The following LRBA variants were observed in gnomAD, a reference collection of about 807,000 sequenced individuals.
The protein encoded by LRBA is LPS responsive beige-like anchor protein.
In LRBA, 176 loss-of-function variants were observed where a neutral mutation model predicts 330.0. The ratio of observed to expected loss-of-function variants is 0.53; its 90% CI spans 0.47 to 0.60. The LOEUF is 0.60. LRBA is among the 20% of genes least tolerant of loss of function. LRBA has a pLI of 0.00. For synonymous variants in LRBA, 1,230 were observed against 1,193.0 expected, an observed-to-expected ratio of 1.03 and a Z score of -0.64; for missense variants, 3,259 against 3,444.8, an observed-to-expected ratio of 0.95 and a Z score of 1.35.
At chr4:150,868,768 T>C (rs370995058) in intron 20 of LRBA, among the ~76,000 whole-genome samples, 2 of 151,924 alleles carry the variant, frequency 1.3e-5, no homozygotes, top group East Asian at 3.9e-4. Context: ...CAAAACCCCA[T>C]CTCTACTAAA....
intron 46 of LRBA, among the ~76,000 whole-genome samples, chr4:150,430,189 C>A (rs1285739212): frequency 2.6e-5 from 4 of 152,074 alleles, no homozygotes; most frequent in Admixed American, 6.6e-5. Context: ...TTCTCTAGCC[C>A]CACTGGCATT....
chr4:150,565,261 C>T (rs1242988695), intron 40 of LRBA, among the ~76,000 whole-genome samples: 1 of 152,070 alleles, frequency 6.6e-6, no homozygotes, highest in Non-Finnish European at 1.5e-5. Flanking sequence ...ACCAACACCA[C>T]ATGTTCTCAC....
At chr4:150,549,552 C>T (rs1026432579) in intron 40 of LRBA, among the ~76,000 whole-genome samples, 11 of 152,174 alleles carry the variant, frequency 7.2e-5, no homozygotes, top group African/African-American at 2.6e-4. Flanking sequence ...AGGATGGTCT[C>T]GAACTCCTGA....
chr4:150,373,943 C>A (rs1740844719), intron 47 of LRBA, among the ~76,000 whole-genome samples: 1 of 152,096 alleles, frequency 6.6e-6, no homozygotes, highest in African/African-American at 2.4e-5. Flanking sequence ...TATTCCTTTT[C>A]TGAGACTATT....
At chr4:150,832,003 TTA>T (rs1747268962) in intron 28 of LRBA, 27 bp from the exon 29 acceptor site, 1 of 1,406,968 alleles carries the variant, frequency 7.1e-7, no homozygotes, top group South Asian at 1.6e-5. Context: ...AAGGAGTTGA[TTA>T]TGTAACCATA....
At chr4:150,635,856 T>C (rs1053502467) in intron 37 of LRBA, among the ~76,000 whole-genome samples, 1 of 152,200 alleles carries the variant, frequency 6.6e-6, no homozygotes, top group Non-Finnish European at 1.5e-5. Context: ...AGTTATTATG[T>C]CTCTTTATTC....
chr4:150,739,856 C>T (rs908092000), intron 35 of LRBA, among the ~76,000 whole-genome samples: 1 of 152,154 alleles, frequency 6.6e-6, no homozygotes, highest in African/African-American at 2.4e-5. Flanking sequence ...ATCATGGAAG[C>T]AGATCCTTTC....
intron 37 of LRBA, among the ~76,000 whole-genome samples, chr4:150,609,741 A>G (rs2126568397): frequency 6.6e-6 from 1 of 152,318 alleles, no homozygotes; most frequent in Admixed American, 6.5e-5. Flanking sequence ...GATGAAAGGA[A>G]TTAGAGAGCT....
intron 36 of LRBA, among the ~76,000 whole-genome samples, chr4:150,700,790 T>C (rs948457937): frequency 6.6e-6 from 1 of 151,424 alleles, no homozygotes; most frequent in Non-Finnish European, 1.5e-5. Context: ...AGTCTTGCTC[T>C]GGTGAGACAG....
intron 37 of LRBA, among the ~76,000 whole-genome samples, chr4:150,675,789 T>C (rs1782480038): frequency 6.6e-6 from 1 of 152,172 alleles, no homozygotes; most frequent in South Asian, 2.1e-4. Flanking sequence ...TCAAAATTAA[T>C]TGCTCAGTAA....
chr4:150,753,473 T>C (rs1733834916), intron 35 of LRBA, among the ~76,000 whole-genome samples: 1 of 152,212 alleles, frequency 6.6e-6, no homozygotes, highest in Non-Finnish European at 1.5e-5. Flanking sequence ...TTTTCTATAA[T>C]CATTCTTATT....
intron 2 of LRBA, among the ~76,000 whole-genome samples, chr4:151,002,154 G>C (rs1743423124): frequency 8.8e-6 from 1 of 113,102 alleles, no homozygotes; most frequent in Non-Finnish European, 1.7e-5. Flanking sequence ...TACTACACCA[G>C]AGGAAAGATA....
At chr4:150,895,626 T>C (rs1479879756) in intron 16 of LRBA, among the ~76,000 whole-genome samples, 3 of 152,252 alleles carry the variant, frequency 2.0e-5, no homozygotes, top group African/African-American at 7.2e-5. Context: ...TCCTTTTTTA[T>C]GGCTGCATAG....
intron 55 of LRBA, 32 bp downstream of exon 55, chr4:150,282,418 C>T (rs746309564): frequency 2.3e-5 from 37 of 1,588,724 alleles, no homozygotes; most frequent in South Asian, 6.8e-5. Context: ...AGGTAAAAGT[C>T]GTGAATGCTG....
intron 23 of LRBA, among the ~76,000 whole-genome samples, chr4:150,851,226 T>C (rs1011489235): frequency 6.6e-6 from 1 of 152,328 alleles, no homozygotes; most frequent in Non-Finnish European, 1.5e-5. Flanking sequence ...AGAAAGGCAG[T>C]ATTTAGAATC....
intron 41 of LRBA, among the ~76,000 whole-genome samples, chr4:150,488,133 A>G (rs1251854730): frequency 6.6e-6 from 1 of 151,666 alleles, no homozygotes; most frequent in Non-Finnish European, 1.5e-5. Flanking sequence ...GATAATAATA[A>G]TGATAATGAT....
At chr4:150,829,368 C>T (rs532000183) in intron 29 of LRBA, among the ~76,000 whole-genome samples, 1 of 152,198 alleles carries the variant, frequency 6.6e-6, no homozygotes, top group South Asian at 2.1e-4. Flanking sequence ...CAAGGAACAC[C>T]TCCTTTTCTC....
At chr4:150,567,351 A>C (rs1189402402) in intron 40 of LRBA, among the ~76,000 whole-genome samples, 1 of 152,148 alleles carries the variant, frequency 6.6e-6, no homozygotes, top group Admixed American at 6.6e-5. Flanking sequence ...TGAAAACAAG[A>C]AAAAGTGTAA....
At chr4:150,578,689 T>C (rs1435077519) in intron 40 of LRBA, among the ~76,000 whole-genome samples, 3 of 152,224 alleles carry the variant, frequency 2.0e-5, no homozygotes, top group South Asian at 2.1e-4. Flanking sequence ...TAGTTTATAG[T>C]AACTAAAAAC....
Sources: allele counts gnomAD v4.1 joint callset (sites outside exome capture counted in the v4.1 genomes callset), GRCh38; gene constraint gnomAD v4.1.1; transcripts MANE v1.5; gene names NCBI Gene and HGNC (gene_info 2026-07-23, HGNC 2026-07-21).